The following PAFAH1B1 variants were observed in gnomAD, a reference collection of about 807,000 sequenced individuals.
PAFAH1B1 encodes platelet-activating factor acetylhydrolase IB subunit beta.
In PAFAH1B1, 2 loss-of-function variants were observed where a neutral mutation model predicts 57.5. That is an observed-to-expected ratio of 0.03 (90% CI 0.01 to 0.11). The LOEUF (loss-of-function observed/expected upper bound fraction) is 0.11, where lower values mean the gene tolerates loss of function less well. Ranked by LOEUF, PAFAH1B1 falls within the 10% of genes least tolerant of loss-of-function variation. PAFAH1B1 has a pLI of 1.00. For missense variants in PAFAH1B1, 257 were observed against 512.0 expected (o/e 0.50, Z 4.81); for synonymous variants, 152 against 169.6 (o/e 0.90, Z 0.81).
At chr17:2,633,962 T>C (rs1279580467) in intron 1 of PAFAH1B1, among the ~76,000 whole-genome samples, 1 of 34,010 alleles carries the variant, frequency 2.9e-5, no homozygotes, top group African/African-American at 4.4e-4. Flanking sequence ...GTACCAAACC[T>C]TTTTTTTTTT....
chr17:2,660,937 C>T (rs748862917), intron 2 of PAFAH1B1, among the ~76,000 whole-genome samples: 14 of 152,092 alleles, frequency 9.2e-5, no homozygotes, highest in African/African-American at 7.2e-5. Flanking sequence ...TTATAATAAT[C>T]GCCATTCTGA....
rs1354182409 is a variant in PAFAH1B1 at position 2,685,134 on chromosome 17, C to A, written c.*3332C>A. ...TGGTAGAGAAGCGACATGTAAAAAA[C>A]TGGTGGAAAAAGGTTTTGGATTTTT... On this transcript the variant is annotated 3_prime_UTR_variant, in exon 11 of 11. Transcript: ENST00000397195. 1 of 131,616 alleles carries A rather than the reference C, an allele frequency of 7.6e-6. No individual in the cohort carries two copies. Among genetic ancestry groups the A allele is most frequent in the Admixed American group, 9.9e-5 (1 of 10,118 alleles). The allele number at this position is 131,616 out of a possible 1,614,324, so 8.2% of individuals were successfully genotyped here. A position where few individuals can be genotyped will look rare whatever the true frequency, so the allele number is the denominator to read the frequency against.
chr17:2,606,586 C>T (rs1261574020), intron 1 of PAFAH1B1, among the ~76,000 whole-genome samples: 1 of 152,010 alleles, frequency 6.6e-6, no homozygotes, highest in Non-Finnish European at 1.5e-5. Context: ...TGGTCTTGAG[C>T]TCCTGACTTC....
At chr17:2,641,129 C>T (rs929373485) in intron 2 of PAFAH1B1, 3 of 152,238 alleles carry the variant, frequency 2.0e-5, no homozygotes, top group Admixed American at 2.0e-4. Flanking sequence ...TTTTTATTTA[C>T]TTGTCTTTTT....
chr17:2,621,195 C>T (rs539033543), intron 1 of PAFAH1B1, among the ~76,000 whole-genome samples: 50 of 152,148 alleles, frequency 3.3e-4, no homozygotes, highest in Non-Finnish European at 1.6e-4. Flanking sequence ...AGTACCCATT[C>T]GTTATTTTTG....
chr17:2,638,430 C>T, intron 2 of PAFAH1B1, 110 bp downstream of exon 2: 1 of 859,392 alleles, frequency 1.2e-6, no homozygotes, highest in Non-Finnish European at 1.9e-6. Context: ...CTATTTTTAC[C>T]AGTGTTCCAA....
intron 1 of PAFAH1B1, among the ~76,000 whole-genome samples, chr17:2,617,247 TTAG>T (rs2068356248): frequency 6.6e-6 from 1 of 152,230 alleles, no homozygotes; most frequent in Admixed American, 6.5e-5. Flanking sequence ...AATACTGGAG[TTAG>T]TAGATTTGAG....
intron 1 of PAFAH1B1, among the ~76,000 whole-genome samples, chr17:2,610,104 G>A (rs1245602357): frequency 4.6e-5 from 7 of 152,218 alleles, no homozygotes; most frequent in Non-Finnish European, 8.8e-5. Flanking sequence ...GATTACTGGC[G>A]TGAGCCACTG....
intron 1 of PAFAH1B1, among the ~76,000 whole-genome samples, chr17:2,607,614 G>T (rs765744468): frequency 6.6e-6 from 1 of 151,622 alleles, no homozygotes; most frequent in Non-Finnish European, 1.5e-5. Context: ...CACCCGAGTA[G>T]TTGGGATCAC....
At chr17:2,671,838 G>A (rs1408625120) in intron 6 of PAFAH1B1, among the ~76,000 whole-genome samples, 1 of 151,624 alleles carries the variant, frequency 6.6e-6, no homozygotes. Flanking sequence ...CCTGACCTCA[G>A]GTGATCCGCC....
At chr17:2,636,438 G>C (rs1401194681) in intron 1 of PAFAH1B1, among the ~76,000 whole-genome samples, 1 of 152,164 alleles carries the variant, frequency 6.6e-6, no homozygotes. Flanking sequence ...TTTTCACTCA[G>C]GGCTCATGTT....
intron 2 of PAFAH1B1, among the ~76,000 whole-genome samples, chr17:2,655,774 C>T (rs1392043132): frequency 4.0e-5 from 6 of 151,102 alleles, no homozygotes; most frequent in East Asian, 1.9e-4. Flanking sequence ...TCACATTACC[C>T]GACCGATGTG....
chr17:2,612,351 G>C (rs374653734), intron 1 of PAFAH1B1, among the ~76,000 whole-genome samples: 1 of 151,610 alleles, frequency 6.6e-6, no homozygotes, highest in East Asian at 1.9e-4. Flanking sequence ...CTACAGGCGC[G>C]CACCACCACG....
Position 2,629,430 on chromosome 17 carries a change from A to G in PAFAH1B1, c.-190-8669A>G, listed in dbSNP as rs552338024. Among the ~76,000 whole-genome samples, 7 of 152,218 alleles carry G rather than the reference A, an allele frequency of 4.6e-5. No individual in the cohort carries two copies. In the South Asian group the frequency reaches 1.2e-3, roughly 27 times the overall value. On this transcript the variant is annotated intron_variant, in intron 1 of 10. Transcript: ENST00000397195. ...AAGGTTCATTTTGGAGTTTATTTTC[A>G]GTTTTATTCCATCGTGGTCTGAGAG...
rs552267786 is a variant in PAFAH1B1 at position 2,652,355 on chromosome 17, C to T, written c.33-13017C>T. On this transcript the variant is annotated intron_variant, in intron 2 of 10. Coordinates refer to ENST00000397195, the MANE Select transcript of PAFAH1B1 (RefSeq NM_000430.4). ...GCGTGAACCCGGGAGGCGGAGCTTGCAGTGAGCCAAGATCGCGCCACTGCA... is the reference window on the plus strand; with the variant it reads ...GCGTGAACCCGGGAGGCGGAGCTTGTAGTGAGCCAAGATCGCGCCACTGCA... 3.3e-5 allele frequency among the ~76,000 whole-genome samples: 5 copies of T among 152,350 alleles called. No individual in the cohort carries two copies. The South Asian group carries it at 8.3e-4, about 25-fold the overall frequency.
chr17:2,619,763 T>A (rs2068394474), intron 1 of PAFAH1B1, among the ~76,000 whole-genome samples: 1 of 152,192 alleles, frequency 6.6e-6, no homozygotes, highest in African/African-American at 2.4e-5. Flanking sequence ...AACTGGGGTT[T>A]AGGGAGACTT....
chr17:2,676,979 C>T (rs1453681033), intron 9 of PAFAH1B1, among the ~76,000 whole-genome samples: 2 of 151,942 alleles, frequency 1.3e-5, no homozygotes, highest in African/African-American at 2.4e-5. Flanking sequence ...GGGGAAATCC[C>T]GTCTCTACCA....
chr17:2,618,496 CCTT>C (rs758958486), intron 1 of PAFAH1B1, among the ~76,000 whole-genome samples: 3 of 152,086 alleles, frequency 2.0e-5, no homozygotes, highest in African/African-American at 7.2e-5. Context: ...AGTATTTTGT[CCTT>C]CTATGTAATC....
At chr17:2,594,430 G>C (rs2068061118) in intron 1 of PAFAH1B1, among the ~76,000 whole-genome samples, 1 of 152,226 alleles carries the variant, frequency 6.6e-6, no homozygotes, top group African/African-American at 2.4e-5. Context: ...GATCGGCCCT[G>C]CTCTCCCCGG....
Sources: gnomAD v4.1 joint callset for allele counts (sites outside exome capture counted in the v4.1 genomes callset) on GRCh38, gnomAD v4.1.1 for gene constraint, MANE v1.5 for transcripts, NCBI Gene and HGNC (gene_info 2026-07-23, HGNC 2026-07-21) for gene names.